TEAD3: variants seen among roughly 807,000 people sequenced by gnomAD.
TEAD3 encodes the protein transcriptional enhancer factor TEF-5.
TEAD3 carries 15 observed loss-of-function variants against 55.6 expected under a neutral mutation model. That is an observed-to-expected ratio of 0.27 (90% CI 0.18 to 0.42). The LOEUF is 0.42. TEAD3 is among the 10% of genes least tolerant of loss of function. TEAD3 has a pLI of 1.00. For synonymous variants in TEAD3, 210 were observed against 232.2 expected (o/e 0.90, Z 0.87); for missense variants, 407 against 576.8 (o/e 0.71, Z 3.01).
At chr6:35,492,205 A>G (rs1309392501) in intron 1 of TEAD3, among the ~76,000 whole-genome samples, 3 of 152,214 alleles carry the variant, frequency 2.0e-5, no homozygotes, top group African/African-American at 7.2e-5. Context: ...CAGTGAAATC[A>G]GCAGTTTCCT....
chr6:35,477,300 G>A lies in TEAD3; in HGVS notation c.592+11C>T, dbSNP rs1160453841. On this transcript the variant is annotated intron_variant, in intron 8 of 12. Transcript: ENST00000639578. ...GGTGCCAAGGGAGAGCACCTCGTGT[G>A]GGGAACTTACTGCTGAGCGTCGGCG... 6.2e-7 allele frequency: 1 copy of A among 1,609,462 alleles called. No homozygotes were observed. Among genetic ancestry groups the A allele is most frequent in the African/African-American group, 1.3e-5 (1 of 74,904 alleles).
At chr6:35,476,195 G>GTA in intron 9 of TEAD3, 103 bp from the exon 10 acceptor site, 1 of 1,547,720 alleles carries the variant, frequency 6.5e-7, no homozygotes, top group Non-Finnish European at 8.7e-7. Context: ...AGGGCTTCCT[G>GTA]AACAGGCCAG....
chr6:35,485,274 T>A lies in TEAD3; in HGVS notation c.203-650A>T, dbSNP rs966805084. Among the ~76,000 whole-genome samples the A allele has an allele frequency of 6.6e-6, 1 of 152,178 alleles. No homozygotes were observed. Among genetic ancestry groups the A allele is most frequent in the South Asian group, 2.1e-4 (1 of 4,834 alleles). Reference sequence around the variant, plus strand: ...CATGTCCTTGTGCCTGTCACCCCCATGTCACCAGTTCCCAGTGTCTCTCCA... The same window carrying A: ...CATGTCCTTGTGCCTGTCACCCCCAAGTCACCAGTTCCCAGTGTCTCTCCA... On this transcript the variant is annotated intron_variant, in intron 2 of 12. Transcript: ENST00000639578. This position sits in a 1 kb window ranked among gnomAD's most constrained non-coding sequence, Gnocchi z 4.3.
Position 35,496,132 on chromosome 6 carries a change from G to A in TEAD3, c.-50+766C>T, listed in dbSNP as rs1161373581. ...GGCATGACAGACAATGGTGGGGACC[G>A]GGGTAGGAAGCGGGAGACCAGCCAC... On this transcript the variant is annotated intron_variant, in intron 1 of 12. Coordinates refer to ENST00000639578, the Ensembl canonical transcript of TEAD3. The surrounding 1 kb of genome is among the most constrained non-coding windows in gnomAD (Gnocchi z 4.8). 2.0e-5 allele frequency among the ~76,000 whole-genome samples: 3 copies of A among 147,006 alleles called. No individual in the cohort carries two copies. Among genetic ancestry groups the A allele is most frequent in the Admixed American group, 2.0e-4 (3 of 14,856 alleles).
Position 35,488,264 on chromosome 6 carries a change from C to A in TEAD3, c.-49-1553G>T, listed in dbSNP as rs533189459. 6.6e-6 allele frequency among the ~76,000 whole-genome samples: 1 copy of A among 152,130 alleles called. No homozygotes were observed. The highest frequency in any genetic ancestry group is 2.4e-5 in the African/African-American group (1 of 41,420). Reference sequence around the variant, plus strand: ...CACAGCAGCCCGTAAACCACCAACACGCCCGCCCCCGCCCTGGCCCATCCT... The same window carrying A: ...CACAGCAGCCCGTAAACCACCAACAAGCCCGCCCCCGCCCTGGCCCATCCT... On this transcript the variant is annotated intron_variant, in intron 1 of 12. Coordinates refer to ENST00000639578, the Ensembl canonical transcript of TEAD3. This position sits in a 1 kb window ranked among gnomAD's most constrained non-coding sequence, Gnocchi z 4.2.
Position 35,483,135 on chromosome 6 carries a change from G to T in TEAD3, c.267+1425C>A, listed in dbSNP as rs1768296636. Reference sequence around the variant, plus strand: ...CCCTGGTGCCTAGAACACAGCAGTAGGTCAATCATTAGCTAAGTGAATAAA... The same window carrying T: ...CCCTGGTGCCTAGAACACAGCAGTATGTCAATCATTAGCTAAGTGAATAAA... On this transcript the variant is annotated intron_variant, in intron 3 of 12. Transcript: ENST00000639578. This position sits in a 1 kb window ranked among gnomAD's most constrained non-coding sequence, Gnocchi z 4.5. Among the ~76,000 whole-genome samples the T allele has an allele frequency of 6.6e-6, 1 of 152,192 alleles. No homozygotes were observed. Among genetic ancestry groups the T allele is most frequent in the African/African-American group, 2.4e-5 (1 of 41,444 alleles).
rs376629766 is a variant in TEAD3 at position 35,486,704 on chromosome 6, G to T, written c.-42C>A. On this transcript the variant is annotated 5_prime_UTR_variant, in exon 2 of 13. Transcript: ENST00000639578. This position sits in a 1 kb window ranked among gnomAD's most constrained non-coding sequence, Gnocchi z 7.3. ...GGCTCTGGGCCTGAGCCCACTGGGC[G>T]GCTGAGCCTGGGGGACAGACAGACA... is the stretch of plus-strand genomic sequence containing the variant. 203 of 1,594,624 alleles carry T rather than the reference G, an allele frequency of 1.3e-4. No individual in the cohort carries two copies. In the African/African-American group the frequency reaches 2.5e-3, roughly 20 times the overall value.
intron 5 of TEAD3, 25 bp downstream of exon 5, chr6:35,479,280 C>T: frequency 6.2e-7 from 1 of 1,613,556 alleles, no homozygotes; most frequent in Non-Finnish European, 8.5e-7. Flanking sequence ...CCCCCACTCC[C>T]ACTGGGGAGG....
chr6:35,479,344 A>G (rs752092794), intron 4 of TEAD3, 28 bp from the exon 5 acceptor site: 3 of 1,613,908 alleles, frequency 1.9e-6, no homozygotes, highest in East Asian at 2.2e-5. Context: ...AAGATAGATT[A>G]GAGGACATGT....
rs754589005 is a variant in TEAD3, at chr6:35,479,340, G to C, written c.331-24C>G. On this transcript the variant is annotated intron_variant, in intron 4 of 12. Transcript: ENST00000639578. Reference sequence around the variant, plus strand: ...GCCTGTGAGGGAGAGAAGGAAGATAGATTAGAGGACATGTGCAGCACCAGG... The same window carrying C: ...GCCTGTGAGGGAGAGAAGGAAGATACATTAGAGGACATGTGCAGCACCAGG... The C allele has an allele frequency of 1.9e-6, 3 of 1,613,962 alleles. No individual in the cohort carries two copies. The South Asian group carries it at 3.3e-5, about 18-fold the overall frequency.
At chr6:35,492,777 C>A (rs1375198481) in intron 1 of TEAD3, among the ~76,000 whole-genome samples, 1 of 152,112 alleles carries the variant, frequency 6.6e-6, no homozygotes, top group African/African-American at 2.4e-5. Flanking sequence ...CGCTCCTGCT[C>A]CCTGAAGCAG....
At chr6:35,479,436 C>A in intron 4 of TEAD3, 120 bp from the exon 5 acceptor site, 2 of 1,285,388 alleles carry the variant, frequency 1.6e-6, no homozygotes, top group East Asian at 2.4e-5. Flanking sequence ...CCGAGGAGCC[C>A]AAGGAAGCTC....
intron 7 of TEAD3, among the ~76,000 whole-genome samples, chr6:35,477,910 G>C (rs1483493804): frequency 6.6e-6 from 1 of 151,592 alleles, no homozygotes; most frequent in Non-Finnish European, 1.5e-5. Flanking sequence ...GTGCAATCAA[G>C]TCTCACTACA....
chr6:35,494,388 C>T (rs1400431782), intron 1 of TEAD3, among the ~76,000 whole-genome samples: 1 of 152,222 alleles, frequency 6.6e-6, no homozygotes, highest in Non-Finnish European at 1.5e-5. Context: ...AGCCCTTTCC[C>T]TGGCAGGGTT....
intron 4 of TEAD3, among the ~76,000 whole-genome samples, chr6:35,479,897 C>T (rs1768231430): frequency 1.3e-5 from 2 of 152,264 alleles, no homozygotes; most frequent in Non-Finnish European, 2.9e-5. Context: ...CTCTCCCTCA[C>T]TGACAGGGCC....
rs1001398935 is a variant in TEAD3, at chr6:35,485,168, G to C, written c.203-544C>G. ...CCTTCTCTGGTAAAAGACCAGGAAG[G>C]ACAGGAAGGCAGCACTGACCGCCTC... is the stretch of plus-strand genomic sequence containing the variant. On this transcript the variant is annotated intron_variant, in intron 2 of 12. Transcript: ENST00000639578. This position sits in a 1 kb window ranked among gnomAD's most constrained non-coding sequence, Gnocchi z 4.3. Among the ~76,000 whole-genome samples the C allele has an allele frequency of 3.3e-5, 5 of 152,174 alleles. No individual in the cohort carries two copies. Among genetic ancestry groups the C allele is most frequent in the African/African-American group, 7.2e-5 (3 of 41,428 alleles).
intron 1 of TEAD3, among the ~76,000 whole-genome samples, chr6:35,494,090 C>A (rs72894781): frequency 0.061 from 9,238 of 152,302 alleles, 411 homozygotes; most frequent in Admixed American, 0.12. Context: ...CAGCCCTGCA[C>A]AAGTTGCTCT....
chr6:35,482,575 G>A (rs1768285986), intron 3 of TEAD3, among the ~76,000 whole-genome samples: 3 of 152,174 alleles, frequency 2.0e-5, no homozygotes, highest in Non-Finnish European at 4.4e-5. Flanking sequence ...TCAGGGGCTG[G>A]GATGTGCCCC....
intron 1 of TEAD3, among the ~76,000 whole-genome samples, chr6:35,494,790 C>T (rs1185285608): frequency 6.6e-6 from 1 of 152,104 alleles, no homozygotes; most frequent in Non-Finnish European, 1.5e-5. Context: ...ACCCTTTGTG[C>T]CATTCAGCCC....
Sources: gnomAD v4.1 joint callset for allele counts (sites outside exome capture counted in the v4.1 genomes callset) on GRCh38, gnomAD v4.1.1 for gene constraint, Gnocchi (gnomAD v3.1) non-coding constraint, MANE v1.5 for transcripts, NCBI Gene and HGNC (gene_info 2026-07-23, HGNC 2026-07-21) for gene names.